KLHDC2: variants seen among roughly 807,000 people sequenced by gnomAD.
KLHDC2 encodes kelch domain-containing protein 2.
Under a neutral mutation model 62.3 loss-of-function variants are expected in KLHDC2, and 38 were observed. That is an observed-to-expected ratio of 0.61 (90% CI 0.47 to 0.80). KLHDC2 has a LOEUF of 0.80. KLHDC2 is among the 30% of genes least tolerant of loss of function. The probability of loss-of-function intolerance (pLI) is 0.00; values close to 1 mark genes in which losing one functional copy is unlikely to be tolerated. For synonymous variants in KLHDC2, 159 were observed against 161.0 expected, an observed-to-expected ratio of 0.99 and a Z score of 0.09; for missense variants, 430 against 495.3, an observed-to-expected ratio of 0.87 and a Z score of 1.25.
chr14:49,778,555 GT>G, intron 6 of KLHDC2, 61 bp downstream of exon 6: 1 of 330,182 alleles, frequency 3.0e-6, no homozygotes, highest in South Asian at 2.4e-5. Context: ...GAGGGGTGGG[GT>G]AGGGGAGAGG....
Position 49,784,714 on chromosome 14 carries a change from C to CT in KLHDC2, c.*1762dup. ...GAATGTTTCTTGATAAATCTGTGTCCTAAAAAAAGAAAATTGCTGAATATC... is the reference window on the plus strand; with the variant it reads ...GAATGTTTCTTGATAAATCTGTGTCCTTAAAAAAAGAAAATTGCTGAATATC... On this transcript the variant is annotated 3_prime_UTR_variant, in exon 13 of 13. Coordinates refer to ENST00000298307, the MANE Select transcript of KLHDC2 (RefSeq NM_014315.3). 6.2e-7 allele frequency: 1 copy of CT among 1,611,276 alleles called. No homozygotes were observed. The highest frequency in any genetic ancestry group is 8.5e-7 in the Non-Finnish European group (1 of 1,178,344).
chr14:49,769,493 C>T (rs1251316702), intron 1 of KLHDC2, among the ~76,000 whole-genome samples: 1 of 152,196 alleles, frequency 6.6e-6, no homozygotes, highest in Non-Finnish European at 1.5e-5. Flanking sequence ...GCTTATGGTA[C>T]AGCTGACTTG....
At chr14:49,776,936 T>TAG (rs1212247404) in intron 3 of KLHDC2, among the ~76,000 whole-genome samples, 1 of 149,138 alleles carries the variant, frequency 6.7e-6, no homozygotes, top group African/African-American at 2.5e-5. Context: ...AAAAGAAATA[T>TAG]ATATATATAT....
In KLHDC2 at chr14:49,779,691, A is replaced by G; in HGVS notation, c.714+16A>G. ...CAGATATCGAGTAAGTATTCAAACG[A>G]CTTCAATGACTTGCTTTTGAATTCT... On this transcript the variant is annotated intron_variant, in intron 7 of 12. Transcript: ENST00000298307. The G allele has an allele frequency of 5.0e-6, 8 of 1,611,646 alleles. No homozygotes were observed. The highest frequency in any genetic ancestry group is 6.8e-6 in the Non-Finnish European group (8 of 1,177,724).
At position 49,771,478 on chromosome 14, in the gene KLHDC2, G is replaced by A; in HGVS notation, c.154-116G>A. ...CATGGGTGGGGGAGGATTGTGCACTGTAATACCTATTTTTCATACTAATTA... is the reference window on the plus strand; with the variant it reads ...CATGGGTGGGGGAGGATTGTGCACTATAATACCTATTTTTCATACTAATTA... On this transcript the variant is annotated intron_variant, in intron 1 of 12. Transcript: ENST00000298307. The A allele has an allele frequency of 5.0e-6, 3 of 601,080 alleles. 1 individual carries two copies. The South Asian group carries it at 6.1e-5, about 12-fold the overall frequency. The allele number at this position is 601,080 out of a possible 1,614,324, so 37.2% of individuals were successfully genotyped here.
At chr14:49,782,664 A>T in intron 12 of KLHDC2, 70 bp downstream of exon 12, 2 of 1,401,206 alleles carry the variant, frequency 1.4e-6, no homozygotes, top group Middle Eastern at 2.5e-4. Context: ...ACTCTCGAAA[A>T]ACTAGGTTTA....
chr14:49,778,012 G>T, intron 4 of KLHDC2, 58 bp downstream of exon 4: 1 of 1,100,512 alleles, frequency 9.1e-7, no homozygotes, highest in Non-Finnish European at 1.4e-6. Flanking sequence ...TACCATTCAG[G>T]TATCCTTAGC....
At chr14:49,776,920 CA>C (rs998785448) in intron 3 of KLHDC2, among the ~76,000 whole-genome samples, 6 of 69,476 alleles carry the variant, frequency 8.6e-5, no homozygotes, top group Non-Finnish European at 5.9e-5. Flanking sequence ...CTGTCCCCAC[CA>C]AAAAAAAAGA....
chr14:49,775,842 G>T (rs1039933349), intron 3 of KLHDC2, among the ~76,000 whole-genome samples: 2 of 152,010 alleles, frequency 1.3e-5, no homozygotes, highest in South Asian at 2.1e-4. Flanking sequence ...GGCCAGGCTG[G>T]TCTTAAACTC....
At chr14:49,772,490 A>G (rs1404443949) in intron 2 of KLHDC2, among the ~76,000 whole-genome samples, 1 of 152,240 alleles carries the variant, frequency 6.6e-6, no homozygotes, top group Non-Finnish European at 1.5e-5. Context: ...TTGCAGTTTC[A>G]TAACAGTAGT....
At chr14:49,774,455 C>T in intron 2 of KLHDC2, 106 bp from the exon 3 acceptor site, 2 of 761,172 alleles carry the variant, frequency 2.6e-6, no homozygotes, top group East Asian at 2.5e-5. Flanking sequence ...ACTCTGCCTT[C>T]TCATTTTATT....
intron 1 of KLHDC2, 142 bp downstream of exon 1, chr14:49,768,763 G>T: frequency 2.6e-6 from 2 of 755,302 alleles, no homozygotes; most frequent in East Asian, 3.3e-5. Context: ...CTGCCCGTTG[G>T]TTGTTTTTTT....
chr14:49,776,218 T>C (rs895021519), intron 3 of KLHDC2, among the ~76,000 whole-genome samples: 1 of 152,206 alleles, frequency 6.6e-6, no homozygotes, highest in Non-Finnish European at 1.5e-5. Context: ...CCATATGTAT[T>C]TCAGAGCCAA....
At chr14:49,774,300 A>G (rs376890504) in intron 2 of KLHDC2, among the ~76,000 whole-genome samples, 1 of 152,238 alleles carries the variant, frequency 6.6e-6, no homozygotes, top group Admixed American at 6.5e-5. Flanking sequence ...TGCTCCTAGA[A>G]TAATAAAATA....
rs1889975253 is a variant in KLHDC2, at chr14:49,782,895, A to G, written c.1163A>G (p.Lys388Arg). 1 of 1,613,896 alleles carries G rather than the reference A, an allele frequency of 6.2e-7. No individual in the cohort carries two copies. The highest frequency in any genetic ancestry group is 8.5e-7 in the Non-Finnish European group (1 of 1,179,842). The change falls in exon 13 of 13, where the codon AAA becomes AGA. Residue 388 changes from lysine (K) to arginine (R), a missense_variant. Lys to Arg is a conservative substitution (Grantham distance 26). Coordinates refer to ENST00000298307, the MANE Select transcript of KLHDC2 (RefSeq NM_014315.3). ...GCCAACTCATGGAACTGCCTTCCAA[A>G]ACACTTACTTCACAGTGTTAATCAG... is the stretch of plus-strand genomic sequence containing the variant. ...MLANSWNCLP[K>R]HLLHSVNQRF...
At chr14:49,776,187 C>T (rs1056806409) in intron 3 of KLHDC2, among the ~76,000 whole-genome samples, 1 of 152,174 alleles carries the variant, frequency 6.6e-6, no homozygotes, top group African/African-American at 2.4e-5. Flanking sequence ...CTGTGAGGCA[C>T]ATCTATAGGC....
rs199618172 is a variant in KLHDC2, at chr14:49,768,579, C to T, written c.111C>T (p.Ala37=). 270 of 1,605,116 alleles carry T rather than the reference C, an allele frequency of 1.7e-4. 1 individual carries two copies. The highest frequency in any genetic ancestry group is 6.8e-4 in the Admixed American group (40 of 58,820). Residue 37 remains alanine, a synonymous_variant, in exon 1 of 13, where the codon GCC becomes GCT. Coordinates refer to ENST00000298307, the MANE Select transcript of KLHDC2 (RefSeq NM_014315.3). ...CCGCTGAGCGCAGCGGCCACGTAGC[C>T]GTCAGCGACGGGCGCCACATGTTCG... ...ACPAERSGHV[A]VSDGRHMFVW... is the part of the protein sequence containing the mutation.
At position 49,785,076 on chromosome 14, in the gene KLHDC2, A is replaced by C; in HGVS notation, c.*2123A>C. On this transcript the variant is annotated 3_prime_UTR_variant, in exon 13 of 13. Coordinates refer to ENST00000298307, the MANE Select transcript of KLHDC2 (RefSeq NM_014315.3). ...AACTGTTTAAAATCATAATTCAAAA[A>C]AACAAATTTAAATACCTTTTCCCTT... 6.2e-7 allele frequency: 1 copy of C among 1,607,218 alleles called. No individual in the cohort carries two copies. Among genetic ancestry groups the C allele is most frequent in the Non-Finnish European group, 8.5e-7 (1 of 1,174,080 alleles).
intron 2 of KLHDC2, among the ~76,000 whole-genome samples, 188 bp from the exon 3 acceptor site, chr14:49,774,373 A>C (rs1370381525): frequency 6.6e-6 from 1 of 152,182 alleles, no homozygotes; most frequent in African/African-American, 2.4e-5. Context: ...CTGTTTGTGG[A>C]ATGGGTAAAG....
Sources: gnomAD v4.1 joint callset for allele counts (sites outside exome capture counted in the v4.1 genomes callset) on GRCh38, gnomAD v4.1.1 for gene constraint, MANE v1.5 for transcripts, NCBI Gene and HGNC (gene_info 2026-07-23, HGNC 2026-07-21) for gene names.